SLC35F1: variants seen among roughly 807,000 people sequenced by gnomAD.
The protein encoded by SLC35F1 is solute carrier family 35 member F1, also known as chromosome 6 open reading frame 169.
A neutral mutation model predicts 48.7 loss-of-function variants in SLC35F1; 14 were observed. That is an observed-to-expected ratio of 0.29 (90% CI 0.19 to 0.45). The LOEUF (loss-of-function observed/expected upper bound fraction) is 0.45. SLC35F1 is among the 20% of genes least tolerant of loss of function. The probability of loss-of-function intolerance (pLI) is 1.00; values close to 1 mark genes in which losing one functional copy is unlikely to be tolerated. For missense variants in SLC35F1, 404 were observed against 500.0 expected (o/e 0.81, Z 1.83); for synonymous variants, 190 against 202.2 (o/e 0.94, Z 0.51).
At chr6:118,022,459 T>C (rs550627932) in intron 1 of SLC35F1, among the ~76,000 whole-genome samples, 27 of 152,196 alleles carry the variant, frequency 1.8e-4, no homozygotes, top group South Asian at 4.2e-4. Context: ...AGTGATGACA[T>C]TGACCAACAC....
intron 1 of SLC35F1, among the ~76,000 whole-genome samples, chr6:117,993,274 A>G (rs899718988): frequency 3.3e-5 from 5 of 152,098 alleles, no homozygotes; most frequent in Admixed American, 6.5e-5. Context: ...CTGCTTGGAC[A>G]TGTGGCTTCC....
chr6:118,077,591 T>A (rs1772841223), intron 1 of SLC35F1, among the ~76,000 whole-genome samples: 1 of 152,202 alleles, frequency 6.6e-6, no homozygotes, highest in Non-Finnish European at 1.5e-5. Flanking sequence ...ATAATATACG[T>A]GTAAAGTAGT....
chr6:118,283,978 C>T (rs549084209), intron 6 of SLC35F1, among the ~76,000 whole-genome samples: 9 of 152,146 alleles, frequency 5.9e-5, no homozygotes, highest in Non-Finnish European at 1.2e-4. Context: ...ACTTCTACCA[C>T]GCTAGAGGGG....
chr6:117,939,502 G>T (rs768599457), intron 1 of SLC35F1, among the ~76,000 whole-genome samples: 21 of 152,138 alleles, frequency 1.4e-4, no homozygotes, highest in Admixed American at 1.3e-3. Context: ...GGCCATTCTG[G>T]ATCTTGATCT....
At chr6:118,127,590 GA>G (rs1419052560) in intron 1 of SLC35F1, among the ~76,000 whole-genome samples, 2 of 152,020 alleles carry the variant, frequency 1.3e-5, no homozygotes, top group Non-Finnish European at 2.9e-5. Flanking sequence ...ATGGTGCTGG[GA>G]AAACTGGCTA....
chr6:118,283,327 T>A (rs543862639), intron 6 of SLC35F1, among the ~76,000 whole-genome samples: 2 of 152,320 alleles, frequency 1.3e-5, no homozygotes, highest in African/African-American at 4.8e-5. Context: ...CCTGACATTC[T>A]CTTTAAGAAA....
intron 1 of SLC35F1, among the ~76,000 whole-genome samples, chr6:118,050,124 C>A (rs1448811996): frequency 6.6e-6 from 1 of 151,870 alleles, no homozygotes; most frequent in Non-Finnish European, 1.5e-5. Flanking sequence ...GACAAAAAAC[C>A]AAACACCACA....
chr6:118,290,131 G>C (rs535329197), intron 7 of SLC35F1, among the ~76,000 whole-genome samples: 1 of 151,876 alleles, frequency 6.6e-6, no homozygotes, highest in East Asian at 1.9e-4. Flanking sequence ...TTGAATTCAG[G>C]TGTTATCTCT....
chr6:117,996,992 T>A (rs1024089898), intron 1 of SLC35F1, among the ~76,000 whole-genome samples: 2 of 152,054 alleles, frequency 1.3e-5, no homozygotes, highest in African/African-American at 4.8e-5. Flanking sequence ...CAGGAGGAAA[T>A]TCAAACCAAA....
chr6:118,143,433 A>G (rs1198401697), intron 1 of SLC35F1, among the ~76,000 whole-genome samples: 1 of 152,184 alleles, frequency 6.6e-6, no homozygotes, highest in Non-Finnish European at 1.5e-5. Flanking sequence ...CTAGAGTCAA[A>G]GTTCCTATTT....
At chr6:117,952,035 G>A (rs1198112873) in intron 1 of SLC35F1, among the ~76,000 whole-genome samples, 5 of 152,220 alleles carry the variant, frequency 3.3e-5, no homozygotes, top group Non-Finnish European at 7.3e-5. Flanking sequence ...GTGTCCTTCT[G>A]CAGAGCAGCC....
At chr6:118,143,529 A>G (rs374908788) in intron 1 of SLC35F1, among the ~76,000 whole-genome samples, 12 of 152,138 alleles carry the variant, frequency 7.9e-5, no homozygotes, top group African/African-American at 2.9e-4. Context: ...TTCCTTCCTC[A>G]GTTTCTAAAG....
intron 7 of SLC35F1, among the ~76,000 whole-genome samples, chr6:118,292,874 C>T (rs1776141780): frequency 6.6e-6 from 1 of 152,138 alleles, no homozygotes; most frequent in Admixed American, 6.6e-5. Context: ...AGTGCTTCTG[C>T]AAACTCTAAA....
chr6:118,300,674 C>T (rs1267201369), intron 7 of SLC35F1, among the ~76,000 whole-genome samples: 6 of 152,002 alleles, frequency 3.9e-5, no homozygotes, highest in Non-Finnish European at 7.4e-5. Context: ...CAAATATGAA[C>T]AAAAAAGTCT....
At chr6:118,010,348 A>C in intron 1 of SLC35F1, among the ~76,000 whole-genome samples, 1 of 152,176 alleles carries the variant, frequency 6.6e-6, no homozygotes, top group Non-Finnish European at 1.5e-5. Context: ...TCAGTTAGAG[A>C]TGACCATTCC....
chr6:118,146,787 C>T (rs186640275), intron 1 of SLC35F1, among the ~76,000 whole-genome samples: 88 of 152,216 alleles, frequency 5.8e-4, no homozygotes, highest in Middle Eastern at 6.8e-3. Context: ...TGGCTAATCC[C>T]AAAACCCACA....
At chr6:118,033,977 A>G (rs1772090478) in intron 1 of SLC35F1, among the ~76,000 whole-genome samples, 1 of 152,228 alleles carries the variant, frequency 6.6e-6, no homozygotes, top group African/African-American at 2.4e-5. Flanking sequence ...CAATTAGTTA[A>G]CAGGAGGCAG....
At chr6:118,007,232 C>T (rs1777185545) in intron 1 of SLC35F1, among the ~76,000 whole-genome samples, 1 of 152,166 alleles carries the variant, frequency 6.6e-6, no homozygotes, top group Admixed American at 6.5e-5. Flanking sequence ...GGTCACTCTC[C>T]TCTTAGAAAG....
chr6:117,976,837 C>T (rs763062908), intron 1 of SLC35F1, among the ~76,000 whole-genome samples: 3 of 152,070 alleles, frequency 2.0e-5, no homozygotes, highest in Admixed American at 6.5e-5. Flanking sequence ...TCACAGTTAA[C>T]GTTGGGGCAT....
Sources: gnomAD v4.1 joint callset for allele counts (sites outside exome capture counted in the v4.1 genomes callset) on GRCh38, gnomAD v4.1.1 for gene constraint, MANE v1.5 for transcripts, NCBI Gene and HGNC (gene_info 2026-07-23, HGNC 2026-07-21) for gene names.